Variants in NUBPL observed in about 807,000 individuals in gnomAD.
NUBPL encodes the protein NUBP iron-sulfur cluster assembly factor, mitochondrial.
Under a neutral mutation model 45.7 loss-of-function variants are expected in NUBPL, and 31 were observed. The ratio of observed to expected loss-of-function variants is 0.68; its 90% confidence interval spans 0.51 to 0.92. The LOEUF (loss-of-function observed/expected upper bound fraction) is 0.92, where lower values mean the gene tolerates loss of function less well. NUBPL is among the 40% of genes least tolerant of loss of function. The probability of loss-of-function intolerance (pLI) is 0.00; values close to 1 mark genes in which losing one functional copy is unlikely to be tolerated. For synonymous variants in NUBPL, 144 were observed against 140.9 expected (o/e 1.02, Z -0.15); for missense variants, 401 against 398.7 (o/e 1.01, Z -0.05).
rs185301113 is a variant in NUBPL at position 31,669,708 on chromosome 14, C to T, written c.383-3647C>T. 2.2e-3 allele frequency among the ~76,000 whole-genome samples: 326 copies of T among 150,342 alleles called. 1 individual carries two copies. Among genetic ancestry groups the T allele is most frequent in the African/African-American group, 7.4e-3 (302 of 41,048 alleles). ...TAGTTCCCACTTGTAAGTGAGAACA[C>T]GTGGTATTTGGGTTTCTGTTCCTGC... On this transcript the variant is annotated intron_variant, in intron 4 of 10. Transcript: ENST00000281081.
At chr14:31,576,853 G>A (rs1302761125) in intron 3 of NUBPL, among the ~76,000 whole-genome samples, 1 of 152,242 alleles carries the variant, frequency 6.6e-6, no homozygotes, top group Non-Finnish European at 1.5e-5. Context: ...GAAATGACAT[G>A]AAGGCTTAGT....
chr14:31,706,056 C>T (rs1305153877), intron 6 of NUBPL, among the ~76,000 whole-genome samples: 1 of 152,196 alleles, frequency 6.6e-6, no homozygotes, highest in Non-Finnish European at 1.5e-5. Context: ...AGCGCATCGG[C>T]AGGCTGAAGG....
At chr14:31,663,473 C>CA (rs1320215985) in intron 4 of NUBPL, among the ~76,000 whole-genome samples, 1 of 152,140 alleles carries the variant, frequency 6.6e-6, no homozygotes, top group Non-Finnish European at 1.5e-5. Context: ...CCAGTTTTCC[C>CA]AACACTGTTT....
At chr14:31,688,652 G>GTTT (rs552419842) in intron 6 of NUBPL, among the ~76,000 whole-genome samples, 3,774 of 98,490 alleles carry the variant, frequency 0.038, 139 homozygotes, top group African/African-American at 0.12. Flanking sequence ...ACAGGTTTTT[G>GTTT]TTGTTGTTTT....
At chr14:31,615,731 A>G (rs1190231833) in intron 4 of NUBPL, among the ~76,000 whole-genome samples, 2 of 152,192 alleles carry the variant, frequency 1.3e-5, no homozygotes, top group Admixed American at 1.3e-4. Context: ...AGTCTTTGCT[A>G]TTGTGAACAG....
chr14:31,798,307 T>G lies in NUBPL; in HGVS notation c.607+10434T>G, dbSNP rs958034133. On this transcript the variant is annotated intron_variant, in intron 7 of 10. Transcript: ENST00000281081. ...CATTTTAGGTATTTATTTATGGTTT[T>G]TTTTTTTTTTTTTTGCTGTGCTGTA... Among the ~76,000 whole-genome samples, 3 of 149,130 alleles carry G rather than the reference T, an allele frequency of 2.0e-5. No individual in the cohort carries two copies. In the South Asian group the frequency reaches 6.4e-4, roughly 32 times the overall value.
chr14:31,658,471 A>G (rs2036192692), intron 4 of NUBPL, among the ~76,000 whole-genome samples: 1 of 152,178 alleles, frequency 6.6e-6, no homozygotes, highest in African/African-American at 2.4e-5. Flanking sequence ...ACTGCACTAA[A>G]AATGGCTGAT....
chr14:31,756,619 C>G (rs961830457), intron 6 of NUBPL, among the ~76,000 whole-genome samples: 1 of 148,488 alleles, frequency 6.7e-6, no homozygotes, highest in African/African-American at 2.5e-5. Flanking sequence ...ATGGGGTTTT[C>G]TAGATATACA....
chr14:31,651,898 C>CAA (rs528694961), intron 4 of NUBPL, among the ~76,000 whole-genome samples: 65 of 91,428 alleles, frequency 7.1e-4, no homozygotes, highest in South Asian at 1.6e-3. Context: ...GACTCTGTCT[C>CAA]AAAAAAAAAA....
intron 7 of NUBPL, among the ~76,000 whole-genome samples, chr14:31,816,726 C>T (rs113532412): frequency 0.076 from 11,625 of 151,998 alleles, 499 homozygotes; most frequent in Non-Finnish European, 0.092. Context: ...TCTGGTTTGT[C>T]GTCTCTTTGT....
At position 31,634,210 on chromosome 14, in the gene NUBPL, G is replaced by A. The variant is rs894833550; in HGVS notation, c.382+34831G>A. Reference sequence around the variant, plus strand: ...CCATTAACTCGTCATTTAGCATTAGGTATATCTCCTAATGCTATCCCTCCC... The same window carrying A: ...CCATTAACTCGTCATTTAGCATTAGATATATCTCCTAATGCTATCCCTCCC... On this transcript the variant is annotated intron_variant, in intron 4 of 10. Coordinates refer to ENST00000281081, the MANE Select transcript of NUBPL (RefSeq NM_025152.3). 2.7e-5 allele frequency among the ~76,000 whole-genome samples: 4 copies of A among 149,892 alleles called. No individual in the cohort carries two copies. In the South Asian group the frequency reaches 8.6e-4, roughly 32 times the overall value.
chr14:31,768,594 C>G (rs924225843), intron 6 of NUBPL, among the ~76,000 whole-genome samples: 1 of 152,180 alleles, frequency 6.6e-6, no homozygotes, highest in Non-Finnish European at 1.5e-5. Context: ...ACCCCCAGTA[C>G]TGAGACAGGT....
chr14:31,736,834 C>T (rs1161285114), intron 6 of NUBPL, among the ~76,000 whole-genome samples: 6 of 152,138 alleles, frequency 3.9e-5, no homozygotes, highest in Non-Finnish European at 8.8e-5. Flanking sequence ...ATGAGAATTC[C>T]AGTTGTTCTA....
chr14:31,571,651 T>C (rs2033589075), intron 3 of NUBPL, among the ~76,000 whole-genome samples: 1 of 152,154 alleles, frequency 6.6e-6, no homozygotes, highest in South Asian at 2.1e-4. Context: ...GGTTTCATCA[T>C]GTTGGCCAGG....
At chr14:31,708,808 C>T (rs1241004271) in intron 6 of NUBPL, among the ~76,000 whole-genome samples, 3 of 152,202 alleles carry the variant, frequency 2.0e-5, no homozygotes, top group Non-Finnish European at 4.4e-5. Context: ...GGTTGGGGGC[C>T]TCTGACCCAG....
At chr14:31,743,731 G>GA (rs2038335745) in intron 6 of NUBPL, among the ~76,000 whole-genome samples, 1 of 152,100 alleles carries the variant, frequency 6.6e-6, no homozygotes, top group Non-Finnish European at 1.5e-5. Flanking sequence ...CCTGGATGAG[G>GA]AAGGCATTCT....
chr14:31,603,765 T>C (rs1045182847), intron 4 of NUBPL, among the ~76,000 whole-genome samples: 2 of 152,342 alleles, frequency 1.3e-5, no homozygotes, highest in South Asian at 4.1e-4. Context: ...ATTTTCTTGT[T>C]TCATGAAACA....
chr14:31,662,468 T>A (rs550158098), intron 4 of NUBPL, among the ~76,000 whole-genome samples: 10 of 152,000 alleles, frequency 6.6e-5, no homozygotes, highest in Admixed American at 2.0e-4. Context: ...ATCCCTTCCC[T>A]CTGCCCCCCA....
intron 8 of NUBPL, among the ~76,000 whole-genome samples, chr14:31,827,617 CAA>C (rs1318767797): frequency 6.6e-6 from 1 of 152,136 alleles, no homozygotes; most frequent in Non-Finnish European, 1.5e-5. Context: ...TTGCTTAATT[CAA>C]AGACAGATTT....
Sources: allele counts gnomAD v4.1 joint callset (sites outside exome capture counted in the v4.1 genomes callset), GRCh38; gene constraint gnomAD v4.1.1; transcripts MANE v1.5; gene names NCBI Gene and HGNC (gene_info 2026-07-23, HGNC 2026-07-21).